The following MTHFD2 variants were observed in gnomAD, a reference collection of about 807,000 sequenced individuals.
MTHFD2 encodes bifunctional methylenetetrahydrofolate dehydrogenase/cyclohydrolase, mitochondrial.
A neutral mutation model predicts 36.8 loss-of-function variants in MTHFD2; 26 were observed. That is an observed-to-expected ratio of 0.71 (90% CI 0.52 to 0.98). The LOEUF is 0.98. Ranked by LOEUF, MTHFD2 falls within the 50% of genes least tolerant of loss-of-function variation. The pLI is 0.00. For missense variants in MTHFD2, 373 were observed against 434.0 expected, an observed-to-expected ratio of 0.86 and a Z score of 1.25; for synonymous variants, 164 against 155.2, an observed-to-expected ratio of 1.06 and a Z score of -0.42.
At position 74,198,676 on chromosome 2, in the gene MTHFD2, C is replaced by T. The variant is rs759764354; in HGVS notation, c.35C>T (p.Ala12Val). ...ACTTCTCTAATGTCTGCTTTGGCTG[C>T]CCGGCTGCTGCAGCCCGCGCACAGC... is the stretch of plus-strand genomic sequence containing the variant. Reference protein sequence around the residue: ...AATSLMSALAARLLQPAHSCS... With the variant: ...AATSLMSALAVRLLQPAHSCS... Residue 12 changes from alanine to valine, a missense_variant, in exon 1 of 8, where the codon GCC (alanine) becomes GTC (valine). Ala to Val is a moderately conservative substitution (Grantham distance 64). Coordinates refer to ENST00000394053, the MANE Select transcript of MTHFD2 (RefSeq NM_006636.4). 140 of 1,611,072 alleles carry T rather than the reference C, an allele frequency of 8.7e-5. No individual in the cohort carries two copies. The highest frequency in any genetic ancestry group is 8.2e-4 in the Middle Eastern group (5 of 6,068).
In MTHFD2 at chr2:74,213,963, G is replaced by C. The variant is rs1193508497; in HGVS notation, c.890-116G>C. 7.2e-6 allele frequency: 8 copies of C among 1,115,966 alleles called. No homozygotes were observed. In the Admixed American group the frequency reaches 9.7e-5, roughly 14 times the overall value. The allele number at this position is 1,115,966 out of a possible 1,614,324, so 69.1% of individuals were successfully genotyped here. A position where few individuals can be genotyped will look rare whatever the true frequency, so the allele number is the denominator to read the frequency against. Reference sequence around the variant, plus strand: ...CTTGAATGATGTAGATGTGATTTTTGAGTTTTATGCTTATGTATGTTACTT... The same window carrying C: ...CTTGAATGATGTAGATGTGATTTTTCAGTTTTATGCTTATGTATGTTACTT... On this transcript the variant is annotated intron_variant, in intron 7 of 7. Transcript: ENST00000394053.
chr2:74,210,707 A>G (rs1191572425), intron 5 of MTHFD2, among the ~76,000 whole-genome samples: 3 of 152,078 alleles, frequency 2.0e-5, no homozygotes, highest in Non-Finnish European at 4.4e-5. Context: ...GGTTAAAGCT[A>G]TATGATATTA....
intron 7 of MTHFD2, among the ~76,000 whole-genome samples, chr2:74,212,213 C>T (rs1694322025): frequency 2.3e-5 from 3 of 132,688 alleles, no homozygotes; most frequent in Admixed American, 7.7e-5. Flanking sequence ...CCTTCCTTCC[C>T]CTCCCCTCCC....
In MTHFD2 at chr2:74,214,724, T is replaced by G. The variant is rs1197644560; in HGVS notation, c.*482T>G. On this transcript the variant is annotated 3_prime_UTR_variant, in exon 8 of 8. Transcript: ENST00000394053. ...TAGTAATTGAGCAGAAAAAAATTAA[T>G]TTATATATGTATTGATTGGCAACCA... 1 of 152,712 alleles carries G rather than the reference T, an allele frequency of 6.5e-6. No homozygotes were observed. Among genetic ancestry groups the G allele is most frequent in the Non-Finnish European group, 1.5e-5 (1 of 68,294 alleles). The allele number at this position is 152,712 out of a possible 1,614,324, so 9.5% of individuals were successfully genotyped here.
chr2:74,208,687 T>G lies in MTHFD2; in HGVS notation c.528T>G (p.Thr176=). 2 of 1,614,186 alleles carry G rather than the reference T, an allele frequency of 1.2e-6. No individual in the cohort carries two copies. Among genetic ancestry groups the G allele is most frequent in the Non-Finnish European group, 1.7e-6 (2 of 1,180,024 alleles). Residue 176 remains threonine, a synonymous_variant, in exon 4 of 8, where the codon ACT becomes ACG. Coordinates refer to ENST00000394053, the MANE Select transcript of MTHFD2 (RefSeq NM_006636.4). Reference sequence around the variant, plus strand: ...ATCAGTATTCCATGTTACCGGCTACTCCATGGGGTGTGTGGGAAATAATCA... The same window carrying G: ...ATCAGTATTCCATGTTACCGGCTACGCCATGGGGTGTGTGGGAAATAATCA... The part of the protein sequence containing the change: ...CLDQYSMLPA[T]PWGVWEIIKR...
intron 1 of MTHFD2, among the ~76,000 whole-genome samples, chr2:74,200,245 T>TC (rs1694013400): frequency 6.6e-6 from 1 of 152,188 alleles, no homozygotes; most frequent in Non-Finnish European, 1.5e-5. Context: ...ACCAGACCTT[T>TC]CCTAGGCTTC....
chr2:74,203,441 C>G (rs1389083474), intron 1 of MTHFD2, among the ~76,000 whole-genome samples: 3 of 152,102 alleles, frequency 2.0e-5, no homozygotes, highest in Non-Finnish European at 4.4e-5. Flanking sequence ...ATAAAAAACA[C>G]TTATTGAAGG....
intron 1 of MTHFD2, 148 bp downstream of exon 1, chr2:74,198,890 G>A: frequency 1.4e-6 from 1 of 703,744 alleles, no homozygotes; most frequent in Non-Finnish European, 2.1e-6. Flanking sequence ...GTGGCGGGGC[G>A]ACGTGGCACC....
chr2:74,212,833 A>T (rs746353692), intron 7 of MTHFD2, among the ~76,000 whole-genome samples: 2 of 152,134 alleles, frequency 1.3e-5, no homozygotes, highest in African/African-American at 2.4e-5. Flanking sequence ...ACAGGCCTAG[A>T]AAGTTAAAAT....
chr2:74,210,392 C>A (rs1029667283), intron 5 of MTHFD2, among the ~76,000 whole-genome samples: 1 of 152,204 alleles, frequency 6.6e-6, no homozygotes, highest in Non-Finnish European at 1.5e-5. Context: ...GGAAAAAAAT[C>A]TTTAGCCGTT....
At chr2:74,208,869 T>G in intron 4 of MTHFD2, 148 bp downstream of exon 4, 2 of 846,186 alleles carry the variant, frequency 2.4e-6, no homozygotes, top group Non-Finnish European at 3.6e-6. Context: ...TTAACAGTTT[T>G]TTTTTTGTTT....
intron 7 of MTHFD2, 66 bp downstream of exon 7, chr2:74,211,932 A>G: frequency 1.2e-6 from 1 of 863,464 alleles, no homozygotes; most frequent in Admixed American, 3.0e-5. Context: ...GACATTTAGG[A>G]TAGATTATTT....
rs1002836700 is a variant in MTHFD2, at chr2:74,211,533, T to A, written c.764-208T>A. The A allele has an allele frequency of 6.1e-6, 3 of 494,530 alleles. No homozygotes were observed. In the East Asian group the frequency reaches 9.9e-5, roughly 16 times the overall value. 30.6% of individuals were successfully genotyped at this position (494,530 alleles called of 1,614,324 possible). ...AATATTTATATTAATATTTACTGTA[T>A]AAAGTTTAAATGGTTCCTTTTGTTT... On this transcript the variant is annotated intron_variant, in intron 6 of 7. Coordinates refer to ENST00000394053, the MANE Select transcript of MTHFD2 (RefSeq NM_006636.4).
chr2:74,200,496 C>T (rs1694017907), intron 1 of MTHFD2, among the ~76,000 whole-genome samples: 1 of 151,598 alleles, frequency 6.6e-6, no homozygotes, highest in Non-Finnish European at 1.5e-5. Flanking sequence ...TTTTTAAATA[C>T]TGCTTATTTT....
intron 1 of MTHFD2, among the ~76,000 whole-genome samples, chr2:74,199,279 T>C (rs1693983857): frequency 6.6e-6 from 1 of 151,706 alleles, no homozygotes; most frequent in Non-Finnish European, 1.5e-5. Flanking sequence ...CCGGTGGGAG[T>C]GGCCCGCGCT....
rs757522412 is a variant in MTHFD2 at position 74,209,931 on chromosome 2, T to C, written c.563-11T>C. ...GCACTACTTTTAATGTCAATACATA[T>C]ATTTTTATAGGCATTCCAACCCTAG... On this transcript the variant is annotated splice_polypyrimidine_tract_variant and intron_variant, in intron 4 of 7. Coordinates refer to ENST00000394053, the MANE Select transcript of MTHFD2 (RefSeq NM_006636.4). 26 of 1,606,792 alleles carry C rather than the reference T, an allele frequency of 1.6e-5. No individual in the cohort carries two copies. Among genetic ancestry groups the C allele is most frequent in the African/African-American group, 9.4e-5 (7 of 74,734 alleles).
chr2:74,203,843 C>CTAGTT (rs1171944961), intron 1 of MTHFD2, among the ~76,000 whole-genome samples: 3,675 of 80,374 alleles, frequency 0.046, 138 homozygotes, highest in Non-Finnish European at 0.053. Flanking sequence ...AGATGCTCAT[C>CTAGTT]TAGTTTAGTT....
At chr2:74,203,863 TTA>T (rs1694103916) in intron 1 of MTHFD2, among the ~76,000 whole-genome samples, 1 of 51,166 alleles carries the variant, frequency 2.0e-5, no homozygotes, top group Non-Finnish European at 3.4e-5. Flanking sequence ...TTAGTTTAGT[TTA>T]GTTTAGTTTA....
intron 1 of MTHFD2, among the ~76,000 whole-genome samples, chr2:74,201,403 G>C (rs1482455062): frequency 6.6e-6 from 1 of 151,188 alleles, no homozygotes; most frequent in Non-Finnish European, 1.5e-5. Context: ...CCTAGGTCAG[G>C]TTGGAGTGCA....
Sources: gnomAD v4.1 joint callset for allele counts (sites outside exome capture counted in the v4.1 genomes callset) on GRCh38, gnomAD v4.1.1 for gene constraint, MANE v1.5 for transcripts, NCBI Gene and HGNC (gene_info 2026-07-23, HGNC 2026-07-21) for gene names.